The following TRDN variants were observed in gnomAD, a reference collection of about 807,000 sequenced individuals.
The protein encoded by TRDN is triadin in skeletal muscle.
A neutral mutation model predicts 149.7 loss-of-function variants in TRDN; 161 were observed. The ratio of observed to expected loss-of-function variants is 1.08; its 90% CI spans 0.95 to 1.23. The LOEUF (loss-of-function observed/expected upper bound fraction) is 1.23. TRDN is among the 50% of genes most tolerant of loss of function. TRDN has a pLI of 0.00. For synonymous variants in TRDN, 294 were observed against 250.5 expected, an observed-to-expected ratio of 1.17 and a Z score of -1.64; for missense variants, 896 against 823.5, an observed-to-expected ratio of 1.09 and a Z score of -1.08.
chr6:123,446,584 C>CAAAAAAA (rs572029827), intron 10 of TRDN, among the ~76,000 whole-genome samples: 45 of 61,066 alleles, frequency 7.4e-4, no homozygotes, highest in African/African-American at 1.7e-3. Flanking sequence ...GATTCCATCT[C>CAAAAAAA]AAAAAAAAAA....
intron 1 of TRDN, among the ~76,000 whole-genome samples, chr6:123,606,422 G>T (rs2114665580): frequency 6.6e-6 from 1 of 151,830 alleles, no homozygotes; most frequent in South Asian, 2.1e-4. Flanking sequence ...CATAGATTTT[G>T]TGTGTGTATG....
At chr6:123,283,820 GA>G (rs960571312) in intron 24 of TRDN, among the ~76,000 whole-genome samples, 1 of 147,850 alleles carries the variant, frequency 6.8e-6, no homozygotes, top group African/African-American at 2.5e-5. Flanking sequence ...AATTACCAAT[GA>G]AAAAAAATTC....
At chr6:123,476,031 T>A (rs1470765091) in intron 9 of TRDN, among the ~76,000 whole-genome samples, 1 of 133,078 alleles carries the variant, frequency 7.5e-6, no homozygotes, top group African/African-American at 2.8e-5. Flanking sequence ...CCACTCCTAT[T>A]CAACATAGTG....
chr6:123,543,520 C>T (rs750678974), intron 4 of TRDN, among the ~76,000 whole-genome samples: 1 of 152,156 alleles, frequency 6.6e-6, no homozygotes, highest in Non-Finnish European at 1.5e-5. Context: ...GCTTTGCTCT[C>T]ACTCAGAAAC....
chr6:123,547,056 C>A (rs1781148145), intron 4 of TRDN, among the ~76,000 whole-genome samples: 1 of 152,084 alleles, frequency 6.6e-6, no homozygotes, highest in Non-Finnish European at 1.5e-5. Flanking sequence ...TCTAAGGCTA[C>A]AGAATTCTCC....
At chr6:123,529,243 T>G (rs1780096034) in intron 5 of TRDN, 1 of 1,548,804 alleles carries the variant, frequency 6.5e-7, no homozygotes, top group Non-Finnish European at 8.7e-7. Context: ...ACAGAGCCAG[T>G]TCAGTCATGG....
At chr6:123,353,422 G>A (rs1263879019) in intron 20 of TRDN, among the ~76,000 whole-genome samples, 1 of 151,816 alleles carries the variant, frequency 6.6e-6, no homozygotes, top group African/African-American at 2.4e-5. Flanking sequence ...GACATCTTTT[G>A]CTTCCTGATG....
intron 24 of TRDN, among the ~76,000 whole-genome samples, chr6:123,286,262 T>C (rs548498231): frequency 5.3e-5 from 8 of 152,142 alleles, no homozygotes; most frequent in African/African-American, 1.9e-4. Flanking sequence ...TGCAAAAACA[T>C]GGAATCACCC....
chr6:123,296,776 GATAATGATGTGTGTTA>G (rs1308692885), intron 24 of TRDN, among the ~76,000 whole-genome samples: 10 of 151,950 alleles, frequency 6.6e-5, no homozygotes, highest in Non-Finnish European at 5.9e-5. Context: ...GGATTTCATA[GATAATGATGTGTGTTA>G]ATATTATTTA....
intron 7 of TRDN, among the ~76,000 whole-genome samples, chr6:123,508,644 G>A (rs1180247926): frequency 6.6e-6 from 1 of 152,038 alleles, no homozygotes; most frequent in Non-Finnish European, 1.5e-5. Flanking sequence ...ATTTCTCAGT[G>A]GATATGGGGT....
At chr6:123,260,783 G>A in intron 33 of TRDN, 145 bp from the exon 34 acceptor site, 2 of 630,578 alleles carry the variant, frequency 3.2e-6, no homozygotes, top group Admixed American at 3.7e-5. Context: ...TACTCAAAAT[G>A]GCAAAGAAAT....
rs954925706 is a variant in TRDN, at chr6:123,479,256, T to G, written c.854-14273A>C. ...CATTTATAGTTCTAGACCAAAGTAT[T>G]TATTTTCTTTCTGGGGGAAGTTTAC... On this transcript the variant is annotated intron_variant, in intron 9 of 40. Coordinates refer to ENST00000334268, the MANE Select transcript of TRDN (RefSeq NM_006073.4). Among the ~76,000 whole-genome samples, 86 of 152,152 alleles carry G rather than the reference T, an allele frequency of 5.7e-4. 1 individual carries two copies. Among genetic ancestry groups the G allele is most frequent in the Admixed American group, 5.5e-3 (84 of 15,258 alleles).
intron 24 of TRDN, among the ~76,000 whole-genome samples, chr6:123,305,974 A>T (rs1426557053): frequency 6.6e-6 from 1 of 152,150 alleles, no homozygotes; most frequent in Admixed American, 6.6e-5. Context: ...ACTTTTAGAT[A>T]TGTTTTGTTG....
At chr6:123,340,774 G>A (rs1467203056) in intron 21 of TRDN, among the ~76,000 whole-genome samples, 2 of 151,908 alleles carry the variant, frequency 1.3e-5, no homozygotes, top group African/African-American at 4.8e-5. Context: ...CACCTGGCAA[G>A]CTTTATCTGA....
chr6:123,547,459 T>TA (rs984158337), intron 3 of TRDN, 87 bp from the exon 4 acceptor site: 7 of 768,758 alleles, frequency 9.1e-6, no homozygotes, highest in Admixed American at 8.2e-5. Context: ...TTTGTTTATT[T>TA]AAAAAAATCT....
intron 2 of TRDN, among the ~76,000 whole-genome samples, chr6:123,570,131 C>T (rs1269509443): frequency 6.6e-6 from 1 of 152,066 alleles, no homozygotes; most frequent in Non-Finnish European, 1.5e-5. Context: ...ACTGATTCTA[C>T]TCCTGTTGGA....
chr6:123,356,917 T>C (rs1780704467), intron 20 of TRDN, among the ~76,000 whole-genome samples: 1 of 151,638 alleles, frequency 6.6e-6, no homozygotes, highest in Non-Finnish European at 1.5e-5. Flanking sequence ...TATTGTATTT[T>C]ATTGATAATA....
Position 123,418,052 on chromosome 6 carries a change from G to T in TRDN, c.1051+20011C>A, listed in dbSNP as rs577183643. On this transcript the variant is annotated intron_variant, in intron 12 of 40. Transcript: ENST00000334268. ...AATTAAAATTACTCATCCAGGACTG[G>T]GTAAGTATAACACACAAATGAAAGT... Among the ~76,000 whole-genome samples the T allele has an allele frequency of 2.0e-3, 299 of 152,126 alleles. 2 individuals are homozygous for T. The highest frequency in any genetic ancestry group is 6.9e-3 in the African/African-American group (285 of 41,498).
chr6:123,391,350 G>C (rs1782106886), intron 13 of TRDN, among the ~76,000 whole-genome samples: 1 of 151,988 alleles, frequency 6.6e-6, no homozygotes, highest in East Asian at 1.9e-4. Flanking sequence ...AGTTTCCAAA[G>C]CTCAGTATCA....
Sources: allele counts gnomAD v4.1 joint callset (sites outside exome capture counted in the v4.1 genomes callset), GRCh38; gene constraint gnomAD v4.1.1; transcripts MANE v1.5; gene names NCBI Gene and HGNC (gene_info 2026-07-23, HGNC 2026-07-21).